PARG: variants seen among roughly 807,000 people sequenced by gnomAD.
PARG encodes the protein poly(ADP-ribose) glycohydrolase.
Under a neutral mutation model 113.0 loss-of-function variants are expected in PARG, and 35 were observed. The observed-to-expected ratio is 0.31, with a 90% confidence interval of 0.24 to 0.41. The LOEUF (loss-of-function observed/expected upper bound fraction) is 0.41. Ranked by LOEUF, PARG falls within the 10% of genes least tolerant of loss-of-function variation. PARG has a pLI of 1.00. For synonymous variants in PARG, 330 were observed against 409.9 expected, an observed-to-expected ratio of 0.81 and a Z score of 2.36; for missense variants, 797 against 1,169.4, an observed-to-expected ratio of 0.68 and a Z score of 4.64.
intron 15 of PARG, among the ~76,000 whole-genome samples, chr10:49,837,209 G>T (rs1319232843): frequency 2.0e-5 from 3 of 152,082 alleles, no homozygotes; most frequent in Non-Finnish European, 4.4e-5. Flanking sequence ...CCAGAGGCCT[G>T]GAAAGCACTT....
chr10:49,846,115 T>A (rs527788008), intron 13 of PARG, among the ~76,000 whole-genome samples: 9 of 150,798 alleles, frequency 6.0e-5, no homozygotes, highest in Admixed American at 2.6e-4. Flanking sequence ...AACAAAACAT[T>A]TGCCACGATC....
At chr10:49,917,901 C>A (rs1216742557) in intron 6 of PARG, among the ~76,000 whole-genome samples, 5 of 150,078 alleles carry the variant, frequency 3.3e-5, no homozygotes, top group African/African-American at 1.2e-4. Flanking sequence ...AATTTCAAAA[C>A]TTCATAAAGT....
intron 4 of PARG, among the ~76,000 whole-genome samples, chr10:49,925,376 G>T (rs1279699688): frequency 1.3e-5 from 2 of 152,124 alleles, no homozygotes; most frequent in Admixed American, 6.5e-5. Context: ...CAGGTCTTTA[G>T]ATAATAACCC....
At chr10:49,836,842 T>C (rs1844961112) in intron 15 of PARG, among the ~76,000 whole-genome samples, 1 of 152,166 alleles carries the variant, frequency 6.6e-6, no homozygotes. Context: ...ATAGGGATGA[T>C]TTGTATCTCT....
Position 49,840,346 on chromosome 10 carries a change from G to A in PARG, c.2541+1604C>T, listed in dbSNP as rs546441018. 4.0e-5 allele frequency among the ~76,000 whole-genome samples: 6 copies of A among 149,238 alleles called. No homozygotes were observed. The South Asian group carries it at 1.1e-3, about 26-fold the overall frequency. On this transcript the variant is annotated intron_variant, in intron 15 of 17. Transcript: ENST00000616448. ...TGAGAGTCTGCAGTGAGCTGTGATC[G>A]CACATGCCACTGCACTCCAGCCTAG...
Position 49,856,185 on chromosome 10 carries a change from C to CTT in PARG, c.2353+1119_2353+1120dup, listed in dbSNP as rs369401318. On this transcript the variant is annotated intron_variant, in intron 13 of 17. Coordinates refer to ENST00000616448, the MANE Select transcript of PARG (RefSeq NM_003631.5). ...AAGAAGAAACACCAAGATAATCAGACTTTTTTTTTTTTGAGATGGAGTCTT... is the reference window on the plus strand; with the variant it reads ...AAGAAGAAACACCAAGATAATCAGACTTTTTTTTTTTTTTGAGATGGAGTCTT... Among the ~76,000 whole-genome samples, 93 of 145,492 alleles carry CTT rather than the reference C, an allele frequency of 6.4e-4. 1 individual carries two copies. Among genetic ancestry groups the CTT allele is most frequent in the South Asian group, 4.2e-3 (19 of 4,540 alleles).
intron 9 of PARG, among the ~76,000 whole-genome samples, chr10:49,879,156 T>C (rs1273696995): frequency 2.0e-5 from 3 of 152,200 alleles, no homozygotes; most frequent in Non-Finnish European, 4.4e-5. Flanking sequence ...AAATTAACCA[T>C]GTCTATAAAG....
At position 49,841,785 on chromosome 10, in the gene PARG, T is replaced by C. The variant is rs1845251533; in HGVS notation, c.2541+165A>G. On this transcript the variant is annotated intron_variant, in intron 15 of 17. Coordinates refer to ENST00000616448, the MANE Select transcript of PARG (RefSeq NM_003631.5). The stretch of plus-strand genomic sequence containing the variant: ...AGCTGCGAATCAAACAATTACAAAA[T>C]GGAAAGTACATCTTGTACAAGCTGA... 2.6e-5 allele frequency among the ~76,000 whole-genome samples: 4 copies of C among 152,256 alleles called. No individual in the cohort carries two copies. The South Asian group carries it at 8.3e-4, about 32-fold the overall frequency.
At chr10:49,873,489 A>C (rs2813077) in intron 9 of PARG, among the ~76,000 whole-genome samples, 8 of 151,222 alleles carry the variant, frequency 5.3e-5, no homozygotes, top group Admixed American at 1.3e-4. Context: ...AATAAAAGAA[A>C]ACTGAGTTTG....
chr10:49,891,764 A>G (rs1451783530), intron 7 of PARG, among the ~76,000 whole-genome samples: 6 of 150,320 alleles, frequency 4.0e-5, no homozygotes, highest in Admixed American at 2.6e-4. Flanking sequence ...TGAGTAGATG[A>G]GACTACAGGC....
intron 13 of PARG, among the ~76,000 whole-genome samples, chr10:49,847,947 T>C (rs1486396149): frequency 1.3e-5 from 2 of 149,688 alleles, no homozygotes; most frequent in African/African-American, 4.9e-5. Context: ...ATTCCATGTA[T>C]TATTCTTACA....
At chr10:49,937,993 A>C (rs1838832439) in intron 1 of PARG, among the ~76,000 whole-genome samples, 1 of 152,216 alleles carries the variant, frequency 6.6e-6, no homozygotes. Context: ...AGTAAGCATA[A>C]AATTATGCTT....
chr10:49,915,043 T>C (rs546160700), intron 7 of PARG, among the ~76,000 whole-genome samples: 1 of 152,220 alleles, frequency 6.6e-6, no homozygotes, highest in Admixed American at 6.5e-5. Context: ...GCTAAAGCTA[T>C]AAAATTCTTA....
At chr10:49,842,839 T>C (rs1845311417) in intron 14 of PARG, among the ~76,000 whole-genome samples, 1 of 152,214 alleles carries the variant, frequency 6.6e-6, no homozygotes, top group African/African-American at 2.4e-5. Context: ...TGCAACCATA[T>C]ATTTTAAACA....
At chr10:49,903,717 G>C (rs1397483951) in intron 7 of PARG, among the ~76,000 whole-genome samples, 8 of 151,416 alleles carry the variant, frequency 5.3e-5, no homozygotes, top group Admixed American at 4.0e-4. Context: ...GCTGGATTAA[G>C]AAGCAGGCAA....
intron 7 of PARG, among the ~76,000 whole-genome samples, chr10:49,915,063 TA>T (rs1413711417): frequency 2.0e-5 from 3 of 151,716 alleles, no homozygotes; most frequent in South Asian, 2.1e-4. Context: ...AGAAGAAACA[TA>T]AATCTTCATG....
At chr10:49,899,013 G>T (rs1554843370) in intron 7 of PARG, among the ~76,000 whole-genome samples, 2 of 152,140 alleles carry the variant, frequency 1.3e-5, no homozygotes. Flanking sequence ...TACAACAGTG[G>T]TGTTCATATG....
chr10:49,930,057 CTTTAT>C (rs1191601719), intron 4 of PARG, among the ~76,000 whole-genome samples: 1 of 152,052 alleles, frequency 6.6e-6, no homozygotes, highest in Non-Finnish European at 1.5e-5. Context: ...ATTTTACAAA[CTTTAT>C]TTTGATATTA....
chr10:49,917,253 G>A (rs1327830932), intron 6 of PARG, among the ~76,000 whole-genome samples: 2 of 152,084 alleles, frequency 1.3e-5, no homozygotes, highest in Non-Finnish European at 2.9e-5. Context: ...CACTTTGGGA[G>A]GTTGAGGTGG....
Sources: allele counts gnomAD v4.1 joint callset (sites outside exome capture counted in the v4.1 genomes callset), GRCh38; gene constraint gnomAD v4.1.1; transcripts MANE v1.5; gene names NCBI Gene and HGNC (gene_info 2026-07-23, HGNC 2026-07-21).